The following EXT2 variants were observed in gnomAD, a reference collection of about 807,000 sequenced individuals.
EXT2 encodes exostosin glycosyltransferase 2.
In EXT2, 53 loss-of-function variants were observed where a neutral mutation model predicts 81.6. The ratio of observed to expected loss-of-function variants is 0.65; its 90% CI spans 0.52 to 0.82. EXT2 has a LOEUF of 0.82. EXT2 is among the 40% of genes least tolerant of loss of function. The pLI is 0.00. For synonymous variants in EXT2, 320 were observed against 340.0 expected (o/e 0.94, Z 0.65); for missense variants, 774 against 910.2 (o/e 0.85, Z 1.93).
chr11:44,147,397 A>G (rs1954732672), intron 7 of EXT2, among the ~76,000 whole-genome samples: 1 of 152,246 alleles, frequency 6.6e-6, no homozygotes, highest in Admixed American at 6.5e-5. Context: ...TACAGAAGAT[A>G]AACTCAGAAG....
At chr11:44,130,264 A>C (rs1954473433) in intron 7 of EXT2, 126 bp downstream of exon 7, 1 of 742,570 alleles carries the variant, frequency 1.3e-6, no homozygotes, top group Admixed American at 2.0e-5. Context: ...AACTAGCCAA[A>C]CTGAAACGAT....
intron 4 of EXT2, among the ~76,000 whole-genome samples, chr11:44,123,341 T>C (rs1433885845): frequency 6.6e-6 from 1 of 152,230 alleles, no homozygotes; most frequent in Non-Finnish European, 1.5e-5. Flanking sequence ...AACTCTAGGT[T>C]GCGTGGTGGC....
intron 10 of EXT2, among the ~76,000 whole-genome samples, chr11:44,222,768 A>G (rs1955795808): frequency 6.6e-6 from 1 of 152,226 alleles, no homozygotes; most frequent in Non-Finnish European, 1.5e-5. Context: ...CATAAAAAAA[A>G]AAATTGACCA....
At chr11:44,171,992 G>C in intron 8 of EXT2, 1 of 529,058 alleles carries the variant, frequency 1.9e-6, no homozygotes, top group East Asian at 3.5e-5. Context: ...GCAGAGATAA[G>C]TAAGGAGGCA....
chr11:44,141,579 A>C (rs988296605), intron 7 of EXT2, among the ~76,000 whole-genome samples: 5 of 152,216 alleles, frequency 3.3e-5, no homozygotes, highest in Admixed American at 3.3e-4. Context: ...AAACTAAACA[A>C]CTTTTAAGTA....
At chr11:44,196,388 C>A (rs549971455) in intron 8 of EXT2, among the ~76,000 whole-genome samples, 2 of 151,758 alleles carry the variant, frequency 1.3e-5, no homozygotes. Flanking sequence ...TATATCTTAA[C>A]GTACTGAGAA....
chr11:44,210,459 G>T (rs1955634460), intron 10 of EXT2, among the ~76,000 whole-genome samples: 1 of 152,160 alleles, frequency 6.6e-6, no homozygotes. Flanking sequence ...TAACCCTAGA[G>T]ATAGAAAGAT....
At chr11:44,192,066 C>T (rs981268990) in intron 8 of EXT2, among the ~76,000 whole-genome samples, 3 of 152,334 alleles carry the variant, frequency 2.0e-5, no homozygotes, top group South Asian at 2.1e-4. Flanking sequence ...CACAATAGAG[C>T]TCTAACCTGC....
At chr11:44,125,020 G>A in intron 5 of EXT2, 36 bp downstream of exon 5, 2 of 1,603,982 alleles carry the variant, frequency 1.2e-6, no homozygotes, top group South Asian at 1.1e-5. Flanking sequence ...AAAGGCTCAG[G>A]AGAGTTTGCT....
chr11:44,103,464 C>T (rs1954013973), intron 1 of EXT2, among the ~76,000 whole-genome samples: 1 of 152,174 alleles, frequency 6.6e-6, no homozygotes, highest in African/African-American at 2.4e-5. Flanking sequence ...TTGAAAGGGC[C>T]TGGGATGCCT....
intron 7 of EXT2, among the ~76,000 whole-genome samples, chr11:44,143,718 G>A (rs937351360): frequency 3.3e-5 from 5 of 152,076 alleles, no homozygotes; most frequent in Non-Finnish European, 7.3e-5. Flanking sequence ...AGGTGCAGCA[G>A]TGATAGATGG....
chr11:44,206,746 C>T lies in EXT2; in HGVS notation c.1496-47C>T, dbSNP rs1590647109. 5 of 1,603,842 alleles carry T rather than the reference C, an allele frequency of 3.1e-6. No homozygotes were observed. The East Asian group carries it at 1.1e-4, about 36-fold the overall frequency. On this transcript the variant is annotated intron_variant, in intron 9 of 13. Coordinates refer to ENST00000533608, the MANE Select transcript of EXT2 (RefSeq NM_207122.2). ...ATGTCATGCTTTTACTACTTTATCT[C>T]CTCACAAAAGTTAGGAGAATAGTAA...
intron 7 of EXT2, among the ~76,000 whole-genome samples, chr11:44,132,712 A>C (rs1239465535): frequency 6.6e-6 from 1 of 152,176 alleles, no homozygotes; most frequent in African/African-American, 2.4e-5. Context: ...ACAGTCCACT[A>C]TGCCAGCTTA....
At chr11:44,163,937 T>G (rs1042514218) in intron 7 of EXT2, among the ~76,000 whole-genome samples, 9 of 152,246 alleles carry the variant, frequency 5.9e-5, no homozygotes, top group Non-Finnish European at 1.2e-4. Context: ...TGCCTTGTTC[T>G]CCACTTCCCC....
intron 8 of EXT2, among the ~76,000 whole-genome samples, chr11:44,194,670 G>A: frequency 6.6e-6 from 1 of 152,020 alleles, no homozygotes; most frequent in Non-Finnish European, 1.5e-5. Flanking sequence ...TCTATCTTGG[G>A]GGTTGTTGTG....
chr11:44,113,433 A>C (rs1481000937), intron 3 of EXT2, among the ~76,000 whole-genome samples: 1 of 152,212 alleles, frequency 6.6e-6, no homozygotes, highest in Non-Finnish European at 1.5e-5. Flanking sequence ...CCTTTCTCTG[A>C]TGAAGTGTCA....
chr11:44,157,993 C>T (rs970284852), intron 7 of EXT2, among the ~76,000 whole-genome samples: 1 of 152,244 alleles, frequency 6.6e-6, no homozygotes, highest in African/African-American at 2.4e-5. Flanking sequence ...CCTTCTGGCC[C>T]AGTGTGTGTC....
At chr11:44,190,904 G>A (rs919790938) in intron 8 of EXT2, among the ~76,000 whole-genome samples, 46 of 152,306 alleles carry the variant, frequency 3.0e-4, no homozygotes, top group African/African-American at 9.4e-4. Context: ...TGCAGGAAGG[G>A]CTCAGGCAAC....
intron 4 of EXT2, among the ~76,000 whole-genome samples, 168 bp from the exon 5 acceptor site, chr11:44,124,621 A>G (rs919535114): frequency 6.6e-6 from 1 of 150,744 alleles, no homozygotes; most frequent in African/African-American, 2.4e-5. Flanking sequence ...CTCACAATAT[A>G]TAATATTTTA....
Sources: gnomAD v4.1 joint callset for allele counts (sites outside exome capture counted in the v4.1 genomes callset) on GRCh38, gnomAD v4.1.1 for gene constraint, MANE v1.5 for transcripts, NCBI Gene and HGNC (gene_info 2026-07-23, HGNC 2026-07-21) for gene names.